BCAT1: variants seen among roughly 807,000 people sequenced by gnomAD.
BCAT1 encodes the protein branched-chain-amino-acid aminotransferase, cytosolic.
BCAT1 carries 48 observed loss-of-function variants against 52.4 expected under a neutral mutation model. The observed-to-expected ratio is 0.92, with a 90% CI of 0.73 to 1.16. BCAT1 has a LOEUF of 1.16. Ranked by LOEUF, BCAT1 falls within the 50% of genes most tolerant of loss-of-function variation. The pLI is 0.00. For synonymous variants in BCAT1, 167 were observed against 161.3 expected (o/e 1.04, Z -0.27); for missense variants, 451 against 457.1 (o/e 0.99, Z 0.12).
chr12:24,837,388 T>C (rs954197236), intron 7 of BCAT1, among the ~76,000 whole-genome samples: 2 of 151,580 alleles, frequency 1.3e-5, no homozygotes, highest in African/African-American at 4.8e-5. Flanking sequence ...GAAGTGTGCG[T>C]GCCTACTCAG....
intron 1 of BCAT1, among the ~76,000 whole-genome samples, chr12:24,930,943 C>T (rs1240309984): frequency 7.0e-6 from 1 of 142,660 alleles, no homozygotes; most frequent in East Asian, 2.1e-4. Flanking sequence ...CTCTGTCACC[C>T]AGGTTGGAGT....
At chr12:24,907,846 T>C (rs1042981621) in intron 1 of BCAT1, among the ~76,000 whole-genome samples, 1 of 152,196 alleles carries the variant, frequency 6.6e-6, no homozygotes, top group Admixed American at 6.5e-5. Context: ...TTGCTGACTC[T>C]CTTTTCAGAC....
At chr12:24,834,042 G>T in intron 8 of BCAT1, 1 of 559,224 alleles carries the variant, frequency 1.8e-6, no homozygotes, top group Non-Finnish European at 2.3e-6. Context: ...ATGTTGCCCA[G>T]GCTGGGCTCA....
intron 1 of BCAT1, among the ~76,000 whole-genome samples, chr12:24,912,590 C>T (rs544752067): frequency 1.3e-4 from 20 of 150,956 alleles, no homozygotes; most frequent in Middle Eastern, 3.4e-3. Flanking sequence ...TGGGGCCGGG[C>T]GTGATGGCTT....
chr12:24,925,896 A>G (rs997038745), intron 1 of BCAT1, among the ~76,000 whole-genome samples: 8 of 152,152 alleles, frequency 5.3e-5, no homozygotes, highest in Non-Finnish European at 8.8e-5. Context: ...TCAGTGCTCA[A>G]TGTTGCCCAA....
chr12:24,921,313 A>G (rs1396567396), intron 1 of BCAT1, among the ~76,000 whole-genome samples: 1 of 152,236 alleles, frequency 6.6e-6, no homozygotes, highest in Non-Finnish European at 1.5e-5. Context: ...ACATATATGT[A>G]TTTCACAATA....
chr12:24,824,667 C>G (rs571095435), intron 10 of BCAT1, among the ~76,000 whole-genome samples: 2 of 152,130 alleles, frequency 1.3e-5, no homozygotes, highest in African/African-American at 2.4e-5. Context: ...TTAACTGCTA[C>G]AGAATGTACA....
chr12:24,873,127 G>T (rs1333779385), intron 5 of BCAT1, among the ~76,000 whole-genome samples: 1 of 152,194 alleles, frequency 6.6e-6, no homozygotes, highest in Non-Finnish European at 1.5e-5. Context: ...TGGATGTAGT[G>T]TTGTTAAGTA....
chr12:24,858,138 G>A (rs1212256938), intron 5 of BCAT1, among the ~76,000 whole-genome samples: 3 of 152,108 alleles, frequency 2.0e-5, no homozygotes, highest in Admixed American at 6.5e-5. Context: ...GTCCCCACAC[G>A]TTGCTCCACC....
rs900716394 is a variant in BCAT1, at chr12:24,829,896, G to C, written c.1046C>G (p.Thr349Arg). ...PVSDILYKGE[T>R]IHIPTMENGP... ...ATTCTCCATAGTTGGAATGTGTATT[G>C]TCTACAAAAGAAAGGGAAATGAGAT... The change falls in exon 10 of 11, where the codon ACA becomes AGA. Residue 349 changes from threonine to arginine, a missense_variant and splice_region_variant. Coordinates refer to ENST00000261192, the MANE Select transcript of BCAT1 (RefSeq NM_005504.7). 3.7e-6 allele frequency: 6 copies of C among 1,603,392 alleles called. No individual in the cohort carries two copies. The highest frequency in any genetic ancestry group is 5.1e-6 in the Non-Finnish European group (6 of 1,174,528).
chr12:24,882,654 A>G (rs1176796869), intron 3 of BCAT1, among the ~76,000 whole-genome samples: 2 of 151,358 alleles, frequency 1.3e-5, no homozygotes, highest in East Asian at 2.0e-4. Flanking sequence ...AATGAAGTTC[A>G]GTGGCAAGAT....
chr12:24,878,576 G>A lies in BCAT1; in HGVS notation c.464C>T (p.Ser155Leu), dbSNP rs905241578. The A allele has an allele frequency of 6.2e-7, 1 of 1,611,798 alleles. No homozygotes were observed. Among genetic ancestry groups the A allele is most frequent in the African/African-American group, 1.3e-5 (1 of 74,828 alleles). Residue 155 changes from serine to leucine, a missense_variant, in exon 5 of 11, where the codon TCA (serine) becomes TTA (leucine). Physicochemically the swap from Ser to Leu is moderately radical, Grantham distance 145. Transcript: ENST00000261192. ...VKLDQEWVPY[S>L]TSASLYIRPT... ...ACGAATATACAGACTAGCAGATGTT[G>A]AATATGGGACCCATTCTTGATCCAA...
intron 1 of BCAT1, among the ~76,000 whole-genome samples, chr12:24,905,859 G>A (rs900618520): frequency 2.7e-5 from 4 of 150,860 alleles, no homozygotes; most frequent in Non-Finnish European, 4.4e-5. Flanking sequence ...TGGGTGGAGA[G>A]GAATGGATTT....
intron 5 of BCAT1, among the ~76,000 whole-genome samples, chr12:24,854,760 C>T (rs143179749): frequency 5.0e-4 from 76 of 152,242 alleles, no homozygotes; most frequent in African/African-American, 1.7e-3. Context: ...GAAACTGAGG[C>T]TTCAAACAAT....
intron 2 of BCAT1, among the ~76,000 whole-genome samples, chr12:24,899,167 C>G (rs1218967970): frequency 6.6e-6 from 1 of 152,264 alleles, no homozygotes; most frequent in Non-Finnish European, 1.5e-5. Context: ...TGTGTAACAA[C>G]GTATCTCATT....
chr12:24,841,944 G>T, intron 7 of BCAT1, 138 bp downstream of exon 7: 1 of 933,376 alleles, frequency 1.1e-6, no homozygotes, highest in Non-Finnish European at 1.6e-6. Context: ...GTCTATTTGG[G>T]CAGCAAAAGC....
chr12:24,923,229 C>T (rs1222977288), intron 1 of BCAT1, among the ~76,000 whole-genome samples: 2 of 152,134 alleles, frequency 1.3e-5, no homozygotes, highest in African/African-American at 2.4e-5. Flanking sequence ...GAGAACCCTC[C>T]AGAAATTCAA....
At position 24,887,061 on chromosome 12, in the gene BCAT1, T is replaced by TAAAAATAAAAA. The variant is rs1207898454; in HGVS notation, c.280-5651_280-5650insTTTTTATTTTT. On this transcript the variant is annotated intron_variant, in intron 3 of 10. Coordinates refer to ENST00000261192, the MANE Select transcript of BCAT1 (RefSeq NM_005504.7). The stretch of plus-strand genomic sequence containing the variant: ...CTGGAAGAACGAGAGAGATGCTAGC[T>TAAAAATAAAAA]AAAAAAAAAAAAAAAAAAAATATAT... Among the ~76,000 whole-genome samples, 10 of 7,586 alleles carry TAAAAATAAAAA rather than the reference T, an allele frequency of 1.3e-3. No individual in the cohort carries two copies. The East Asian group carries it at 0.021, about 16-fold the overall frequency. The allele number at this position is 7,586 out of a possible 152,430, so 5.0% of individuals were successfully genotyped here.
At position 24,815,679 on chromosome 12, in the gene BCAT1, G is replaced by A. The variant is rs1939850807; in HGVS notation, c.*2329C>T. 1 of 152,138 alleles carries A rather than the reference G, an allele frequency of 6.6e-6. No homozygotes were observed. Among genetic ancestry groups the A allele is most frequent in the Non-Finnish European group, 1.5e-5 (1 of 68,018 alleles). The allele number at this position is 152,138 out of a possible 1,614,324, so 9.4% of individuals were successfully genotyped here. ...GTGGATTGTGTTCTCCTTATCAGGA[G>A]ACCTCCAGTTTTTAAACATCTATCC... On this transcript the variant is annotated 3_prime_UTR_variant, in exon 11 of 11. Transcript: ENST00000261192.
Sources: gnomAD v4.1 joint callset for allele counts (sites outside exome capture counted in the v4.1 genomes callset) on GRCh38, gnomAD v4.1.1 for gene constraint, MANE v1.5 for transcripts, NCBI Gene and HGNC (gene_info 2026-07-23, HGNC 2026-07-21) for gene names.